Variants in SMCO2 observed in about 807,000 individuals in gnomAD.
The protein encoded by SMCO2 is single-pass membrane protein with coiled-coil domains 2.
In SMCO2, 25 loss-of-function variants were observed where a neutral mutation model predicts 29.5. The ratio of observed to expected loss-of-function variants is 0.85; its 90% CI spans 0.62 to 1.18. The LOEUF (loss-of-function observed/expected upper bound fraction) is 1.18, where lower values mean the gene tolerates loss of function less well. Ranked by LOEUF, SMCO2 falls within the 50% of genes most tolerant of loss-of-function variation. SMCO2 has a pLI of 0.00. For synonymous variants in SMCO2, 117 were observed against 123.3 expected, an observed-to-expected ratio of 0.95 and a Z score of 0.34; for missense variants, 348 against 344.5, an observed-to-expected ratio of 1.01 and a Z score of -0.08.
the SMCO2 span, among the ~76,000 whole-genome samples, chr12:27,429,490 AAT>A: frequency 3.3e-5 from 5 of 151,998 alleles, no homozygotes; most frequent in South Asian, 1.0e-3. Flanking sequence ...AAAAAAAAAA[AAT>A]AGTCCCCACC....
intron 7 of SMCO2, among the ~76,000 whole-genome samples, chr12:27,496,764 TAAAAGTTTATGTGCACACCTTGC>T (rs975335213): frequency 6.6e-6 from 1 of 150,908 alleles, no homozygotes; most frequent in Non-Finnish European, 1.5e-5. Context: ...TGTTGAGTTG[TAAAAGTTTATGTGCACACCTTGC>T]ACATAATCCT....
At chr12:27,432,478 A>T in the SMCO2 span, among the ~76,000 whole-genome samples, 2 of 152,236 alleles carry the variant, frequency 1.3e-5, no homozygotes, top group Non-Finnish European at 2.9e-5. Flanking sequence ...TCAGTTCAGC[A>T]TTGTAAATAT....
At chr12:27,482,824 T>G (rs1949656785) in intron 4 of SMCO2, among the ~76,000 whole-genome samples, 1 of 152,198 alleles carries the variant, frequency 6.6e-6, no homozygotes, top group African/African-American at 2.4e-5. Flanking sequence ...CCTCCCAGGC[T>G]CAAGCAATCC....
the SMCO2 span, among the ~76,000 whole-genome samples, chr12:27,427,880 AGAGTTT>A: frequency 6.6e-6 from 1 of 152,216 alleles, no homozygotes; most frequent in African/African-American, 2.4e-5. Context: ...AGCCATCCCC[AGAGTTT>A]GAAGGTGAGA....
At chr12:27,470,794 G>T (rs1471140639) in intron 2 of SMCO2, 29 bp downstream of exon 2, 1 of 1,546,734 alleles carries the variant, frequency 6.5e-7, no homozygotes, top group Admixed American at 2.0e-5. Flanking sequence ...TGCAGAAGCA[G>T]TTTCTAGGGT....
chr12:27,468,571 C>CTTGAAA (rs1565673300), intron 1 of SMCO2, among the ~76,000 whole-genome samples: 2 of 152,240 alleles, frequency 1.3e-5, no homozygotes, highest in East Asian at 3.8e-4. Flanking sequence ...CTCAGTTGCA[C>CTTGAAA]TGGCCACATT....
Position 27,495,904 on chromosome 12 carries a change from G to C in SMCO2, c.683+49G>C. On this transcript the variant is annotated intron_variant, in intron 7 of 7. Coordinates refer to ENST00000298876, the Ensembl canonical transcript of SMCO2. ...CAGGGCTGGATGACTGCCCCAAAAT[G>C]TATGGATTATGCTGGGATTGATTTT... 2 of 1,341,466 alleles carry C rather than the reference G, an allele frequency of 1.5e-6. 1 individual carries two copies. Among genetic ancestry groups the C allele is most frequent in the Non-Finnish European group, 1.9e-6 (2 of 1,026,578 alleles). The allele number at this position is 1,341,466 out of a possible 1,614,324, so 83.1% of individuals were successfully genotyped here.
chr12:27,498,519 T>A, intron 7 of SMCO2: 1 of 229,456 alleles, frequency 4.4e-6, no homozygotes, highest in Non-Finnish European at 9.1e-6. Flanking sequence ...TGTACGCTGC[T>A]GCGTGAAGCA....
chr12:27,423,705 A>G, the SMCO2 span: 1 of 152,218 alleles, frequency 6.6e-6, no homozygotes, highest in Non-Finnish European at 1.5e-5. Flanking sequence ...TGGAATCAGA[A>G]GACCCTGTTG....
At chr12:27,465,514 C>T (rs571796692), upstream of SMCO2, among the ~76,000 whole-genome samples, 35 of 152,232 alleles carry the variant, frequency 2.3e-4, no homozygotes, top group Non-Finnish European at 4.3e-4. Flanking sequence ...CAGTACAGAC[C>T]GTAAGAAAGG....
chr12:27,430,713 G>T, the SMCO2 span, among the ~76,000 whole-genome samples: 3 of 152,186 alleles, frequency 2.0e-5, no homozygotes, highest in Non-Finnish European at 4.4e-5. Context: ...GGCTGGCACA[G>T]TTCCTAAGCC....
the SMCO2 span, among the ~76,000 whole-genome samples, chr12:27,461,723 C>T: frequency 6.6e-6 from 1 of 152,222 alleles, no homozygotes; most frequent in African/African-American, 2.4e-5. Flanking sequence ...GTCAGACAAA[C>T]TTTCTTTTCC....
chr12:27,475,627 G>A, intron 4 of SMCO2: 1 of 1,550,248 alleles, frequency 6.5e-7, no homozygotes, highest in South Asian at 1.2e-5. Context: ...GGAACACAAA[G>A]ATAGGTCTCC....
chr12:27,453,566 T>C, the SMCO2 span, among the ~76,000 whole-genome samples: 1 of 152,332 alleles, frequency 6.6e-6, no homozygotes, highest in African/African-American at 2.4e-5. Flanking sequence ...TAAAATGAAC[T>C]GTCTGAACAA....
intron 3 of SMCO2, among the ~76,000 whole-genome samples, chr12:27,474,536 G>A (rs60584481): frequency 0.071 from 10,739 of 152,054 alleles, 587 homozygotes; most frequent in African/African-American, 0.15. Flanking sequence ...GATGGAATTC[G>A]ATTACTCATC....
upstream of SMCO2, among the ~76,000 whole-genome samples, chr12:27,461,842 G>C (rs940480950): frequency 2.6e-5 from 4 of 152,126 alleles, no homozygotes; most frequent in Admixed American, 1.3e-4. Flanking sequence ...ATTTGATTCA[G>C]GTCTCTTTTA....
At chr12:27,499,855 G>A (rs112715145) in intron 7 of SMCO2, among the ~76,000 whole-genome samples, 2,496 of 150,468 alleles carry the variant, frequency 0.017, 94 homozygotes, top group South Asian at 0.045. Flanking sequence ...ATTATGAATC[G>A]ATTTTTGCTG....
At chr12:27,494,487 T>TTTTTTA (rs149908760) in intron 6 of SMCO2, 131 bp downstream of exon 7, 30 of 176,494 alleles carry the variant, frequency 1.7e-4, no homozygotes, top group Non-Finnish European at 1.4e-4. Context: ...TTTAATTTAA[T>TTTTTTA]TTATTATTAT....
the SMCO2 span, among the ~76,000 whole-genome samples, chr12:27,444,569 A>T: frequency 6.6e-6 from 1 of 152,214 alleles, no homozygotes; most frequent in Non-Finnish European, 1.5e-5. Context: ...AACCCACAAA[A>T]TGAGAGAAAA....
Sources: allele counts gnomAD v4.1 joint callset (sites outside exome capture counted in the v4.1 genomes callset), GRCh38; gene constraint gnomAD v4.1.1; transcripts MANE v1.5; gene names NCBI Gene and HGNC (gene_info 2026-07-23, HGNC 2026-07-21).